The following PIEZO2 variants were observed in gnomAD, a reference collection of about 807,000 sequenced individuals.
The protein encoded by PIEZO2 is piezo type mechanosensitive ion channel component 2.
Under a neutral mutation model 337.3 loss-of-function variants are expected in PIEZO2, and 172 were observed. That is an observed-to-expected ratio of 0.51 (90% CI 0.45 to 0.58). The LOEUF (loss-of-function observed/expected upper bound fraction) is 0.58, where lower values mean the gene tolerates loss of function less well. Among genes scored for constraint, PIEZO2 ranks in the 20% least tolerant of loss-of-function variants. PIEZO2 has a pLI of 0.00. For synonymous variants in PIEZO2, 1,251 were observed against 1,228.5 expected, an observed-to-expected ratio of 1.02 and a Z score of -0.38; for missense variants, 3,028 against 3,391.3, an observed-to-expected ratio of 0.89 and a Z score of 2.66.
In PIEZO2 at chr18:10,881,570, T is replaced by C. The variant is rs114296779; in HGVS notation, c.330-10155A>G. ...TGACTCTTCCCAATTCTGTGCTCCA[T>C]GAAAGATTATTACTAGCTTAGAGTC... On this transcript the variant is annotated intron_variant, in intron 4 of 55. Transcript: ENST00000674853. Among the ~76,000 whole-genome samples, 1,228 of 152,276 alleles carry C rather than the reference T, an allele frequency of 8.1e-3. 20 individuals carry two copies. The highest frequency in any genetic ancestry group is 0.025 in the African/African-American group (1,052 of 41,542).
rs184518135 is a variant in PIEZO2, at chr18:11,082,418, T to C, written c.65-16196A>G. Among the ~76,000 whole-genome samples, 849 of 151,550 alleles carry C rather than the reference T, an allele frequency of 5.6e-3. 8 individuals carry two copies. The highest frequency in any genetic ancestry group is 0.02 in the African/African-American group (819 of 41,334). ...CTGCAAGCTCCACCTCCCGGGTTCATGCCATTCTCCTGCCTCAGCCTCCAG... is the reference window on the plus strand; with the variant it reads ...CTGCAAGCTCCACCTCCCGGGTTCACGCCATTCTCCTGCCTCAGCCTCCAG... On this transcript the variant is annotated intron_variant, in intron 1 of 55. Transcript: ENST00000674853.
At chr18:11,063,334 T>G (rs2145906748) in intron 2 of PIEZO2, among the ~76,000 whole-genome samples, 1 of 151,352 alleles carries the variant, frequency 6.6e-6, no homozygotes, top group Admixed American at 6.6e-5. Context: ...TAATGTTAAA[T>G]GATGAGTTAA....
rs186654004 is a variant in PIEZO2 at position 11,138,644 on chromosome 18, C to G, written c.64+9881G>C. Among the ~76,000 whole-genome samples, 264 of 152,256 alleles carry G rather than the reference C, an allele frequency of 1.7e-3. 1 individual carries two copies. The highest frequency in any genetic ancestry group is 7.2e-4 in the Non-Finnish European group (49 of 68,014). On this transcript the variant is annotated intron_variant, in intron 1 of 55. Transcript: ENST00000674853. ...TATCTGTATATTGAGGAGTAAGTTC[C>G]GTGCTGGGGATATCAACAAGGACTA...
In PIEZO2 at chr18:11,128,150, C is replaced by T. The variant is rs569195557; in HGVS notation, c.64+20375G>A. 4.8e-4 allele frequency among the ~76,000 whole-genome samples: 73 copies of T among 152,092 alleles called. No individual in the cohort carries two copies. The highest frequency in any genetic ancestry group is 1.5e-3 in the African/African-American group (61 of 41,480). ...TAACCATATGTGGAGAACCAAGGAA[C>T]GTAATAAAGCTGGTTGGTTGCTCCT... On this transcript the variant is annotated intron_variant, in intron 1 of 55. Transcript: ENST00000674853. This position sits in a 1 kb window ranked among gnomAD's most constrained non-coding sequence, Gnocchi z 4.1.
chr18:10,840,951 A>T (rs1218142483), intron 7 of PIEZO2, among the ~76,000 whole-genome samples: 4 of 152,230 alleles, frequency 2.6e-5, no homozygotes, highest in Admixed American at 6.5e-5. Flanking sequence ...GATGTGGGAT[A>T]TGAGGAGAGC....
In PIEZO2 at chr18:10,759,538, A is replaced by T; in HGVS notation, c.3701T>A (p.Ile1234Lys). ...GAAATCTGGGAAGTACAGCCACTTTATGATGTTGTCATTGAAGCTGGCACC... is the reference window on the plus strand; with the variant it reads ...GAAATCTGGGAAGTACAGCCACTTTTTGATGTTGTCATTGAAGCTGGCACC... ...FKGASFNDNI[I>K]KWLYFPDFIV... Residue 1234 changes from isoleucine (I) to lysine (K), a missense_variant, in exon 26 of 56, where the codon ATA becomes AAA. By Grantham distance (102) the Ile-to-Lys change is moderately radical. Coordinates refer to ENST00000674853, the MANE Select transcript of PIEZO2 (RefSeq NM_001378183.1). This position sits in a 1 kb window ranked among gnomAD's most constrained non-coding sequence, Gnocchi z 5.5. 6.5e-7 allele frequency: 1 copy of T among 1,537,290 alleles called. No individual in the cohort carries two copies. Among genetic ancestry groups the T allele is most frequent in the Non-Finnish European group, 8.7e-7 (1 of 1,146,934 alleles).
rs77635817 is a variant in PIEZO2, at chr18:10,707,228, G to A, written c.5588+1047C>T. ...CTTGCAGACTACTGGAGCCAACCCC[G>A]CACCAGGTCTCATGGCCAGTAAGAC... On this transcript the variant is annotated intron_variant, in intron 40 of 55. Coordinates refer to ENST00000674853, the MANE Select transcript of PIEZO2 (RefSeq NM_001378183.1). This position sits in a 1 kb window ranked among gnomAD's most constrained non-coding sequence, Gnocchi z 4.2. 4.8e-4 allele frequency among the ~76,000 whole-genome samples: 73 copies of A among 152,226 alleles called. No individual in the cohort carries two copies. The highest frequency in any genetic ancestry group is 1.6e-3 in the African/African-American group (65 of 41,546).
intron 8 of PIEZO2, among the ~76,000 whole-genome samples, chr18:10,805,014 C>A (rs186229008): frequency 2.6e-5 from 4 of 152,202 alleles, no homozygotes; most frequent in African/African-American, 9.6e-5. Flanking sequence ...AAGGTCTTCC[C>A]GGCTCTCTCT....
intron 27 of PIEZO2, 148 bp downstream of exon 27, chr18:10,757,821 C>T: frequency 1.1e-6 from 1 of 920,924 alleles, no homozygotes; most frequent in South Asian, 2.0e-5. Flanking sequence ...CTCCAGGCTG[C>T]TGAACCACAT....
chr18:11,106,262 ATTTTTT>A (rs34892450), intron 1 of PIEZO2, among the ~76,000 whole-genome samples: 2 of 114,714 alleles, frequency 1.7e-5, no homozygotes, highest in African/African-American at 6.4e-5. Context: ...AATTTTTTGT[ATTTTTT>A]TTTTTTTTTT....
At chr18:10,896,823 G>A (rs902044313) in intron 4 of PIEZO2, among the ~76,000 whole-genome samples, 6 of 152,212 alleles carry the variant, frequency 3.9e-5, no homozygotes, top group African/African-American at 1.4e-4. Flanking sequence ...CTGAGAAGAA[G>A]GTTCCTGTTG....
chr18:10,789,190 G>A lies in PIEZO2; in HGVS notation c.2058C>T (p.Tyr686=), dbSNP rs1025572080. The part of the protein sequence containing the change: ...GNLVVAMFIK[Y]WIYVCGGMFF... ...ACATGCCTCCGCAGACGTAGATCCA[G>A]TACTTGATGAACATGGCCACCACCA... The change falls in exon 15 of 56, where the codon TAC becomes TAT. Residue 686 remains tyrosine, a synonymous_variant. Coordinates refer to ENST00000674853, the MANE Select transcript of PIEZO2 (RefSeq NM_001378183.1). 3.9e-6 allele frequency: 6 copies of A among 1,537,180 alleles called. No individual in the cohort carries two copies. Among genetic ancestry groups the A allele is most frequent in the African/African-American group, 1.4e-5 (1 of 73,054 alleles).
At chr18:11,062,201 G>C (rs2145901585) in intron 2 of PIEZO2, among the ~76,000 whole-genome samples, 1 of 151,886 alleles carries the variant, frequency 6.6e-6, no homozygotes. Flanking sequence ...AAACTGGCTA[G>C]CCATATGTAG....
At chr18:10,808,164 C>T (rs1425977536) in intron 7 of PIEZO2, among the ~76,000 whole-genome samples, 1 of 152,212 alleles carries the variant, frequency 6.6e-6, no homozygotes, top group Non-Finnish European at 1.5e-5. Flanking sequence ...TCACAGCCCA[C>T]TGCAGCCTTG....
In PIEZO2 at chr18:10,691,275, C is replaced by G; in HGVS notation, c.7299G>C (p.Gly2433=). 6.2e-7 allele frequency: 1 copy of G among 1,614,018 alleles called. No homozygotes were observed. Among genetic ancestry groups the G allele is most frequent in the Non-Finnish European group, 8.5e-7 (1 of 1,179,974 alleles). The change falls in exon 48 of 56, where the codon GGG becomes GGC. Residue 2433 remains glycine, a synonymous_variant. Transcript: ENST00000674853. ...IRCGYPTRVL[G]NFLTKSYNYV... is the part of the protein sequence containing the mutation. ...AATTGTAGCTCTTGGTGAGGAAGTT[C>G]CCCAGGACTCGCGTTGGGTAGCCAC...
intron 2 of PIEZO2, among the ~76,000 whole-genome samples, chr18:11,017,423 A>G (rs908935705): frequency 1.3e-5 from 2 of 151,924 alleles, no homozygotes; most frequent in Non-Finnish European, 2.9e-5. Context: ...ACATTTCATT[A>G]CAATAAACAC....
rs182598120 is a variant in PIEZO2, at chr18:11,110,372, G to A, written c.64+38153C>T. 6.6e-5 allele frequency among the ~76,000 whole-genome samples: 10 copies of A among 152,304 alleles called. No homozygotes were observed. In the East Asian group the frequency reaches 1.5e-3, roughly 23 times the overall value. On this transcript the variant is annotated intron_variant, in intron 1 of 55. Coordinates refer to ENST00000674853, the MANE Select transcript of PIEZO2 (RefSeq NM_001378183.1). The surrounding 1 kb of genome is among the most constrained non-coding windows in gnomAD (Gnocchi z 4.2). ...TATCGTTTTATTTAAGAAGACAGTA[G>A]AAAGATCATCCCACCCTGGGAGTTG...
chr18:11,004,221 T>TC (rs1023849171), intron 2 of PIEZO2, among the ~76,000 whole-genome samples: 9 of 151,760 alleles, frequency 5.9e-5, no homozygotes, highest in Admixed American at 5.9e-4. Flanking sequence ...CATTCCTGAG[T>TC]CCCCCTGGAT....
In PIEZO2 at chr18:11,148,717, G is replaced by A. The variant is rs2040874046; in HGVS notation, c.-129C>T. 2 of 992,600 alleles carry A rather than the reference G, an allele frequency of 2.0e-6. No individual in the cohort carries two copies. Among genetic ancestry groups the A allele is most frequent in the Non-Finnish European group, 2.9e-6 (2 of 678,882 alleles). The allele number at this position is 992,600 out of a possible 1,614,324, so 61.5% of individuals were successfully genotyped here. A position where few individuals can be genotyped will look rare whatever the true frequency, so the allele number is the denominator to read the frequency against. On this transcript the variant is annotated 5_prime_UTR_variant, in exon 1 of 56. Transcript: ENST00000674853. This position sits in a 1 kb window ranked among gnomAD's most constrained non-coding sequence, Gnocchi z 5.2. ...CTCGCAGCCACCCGAGCATCGCCTC[G>A]GCGCGGGCCGCGACGCTCTCCGCCC...
Sources: allele counts gnomAD v4.1 joint callset (sites outside exome capture counted in the v4.1 genomes callset), GRCh38; gene constraint gnomAD v4.1.1; non-coding constraint Gnocchi (gnomAD v3.1); transcripts MANE v1.5; gene names NCBI Gene and HGNC (gene_info 2026-07-23, HGNC 2026-07-21).